Variants in HIVEP3 observed in about 807,000 individuals in gnomAD.
HIVEP3 encodes HIVEP zinc finger 3.
A neutral mutation model predicts 152.8 loss-of-function variants in HIVEP3; 49 were observed. The ratio of observed to expected loss-of-function variants is 0.32; its 90% confidence interval spans 0.26 to 0.41. HIVEP3 has a LOEUF of 0.41. Among genes scored for constraint, HIVEP3 ranks in the 10% least tolerant of loss-of-function variants. The pLI is 1.00. For synonymous variants in HIVEP3, 1,269 were observed against 1,289.0 expected (o/e 0.98, Z 0.33); for missense variants, 2,790 against 3,103.3 (o/e 0.90, Z 2.40).
chr1:41,679,535 T>A (rs1646007409), intron 2 of HIVEP3, among the ~76,000 whole-genome samples: 2 of 152,176 alleles, frequency 1.3e-5, no homozygotes, highest in Non-Finnish European at 2.9e-5. Context: ...TGCATGCATT[T>A]GGGGAGGGGA....
Position 41,524,873 on chromosome 1 carries a change from G to A in HIVEP3, c.5245C>T (p.Arg1749Cys), listed in dbSNP as rs776982758. ...TCACAAACATATTTCCCTCGGCCGC[G>A]GCCTCGCACATATACATACTCTTCG... ...SNEEYVYVRG[R>C]GRGKYVCEEC... The change falls in exon 6 of 9, where the codon CGC (arginine) becomes TGC (cysteine). Residue 1749 changes from arginine (R) to cysteine (C), a missense_variant. Arg to Cys is a radical substitution (Grantham distance 180). Around this residue, in one of 9 missense-constraint regions of HIVEP3, gnomAD observed 57 missense variants for 95.1 expected, o/e 0.60. Transcript: ENST00000372583. The A allele has an allele frequency of 3.7e-6, 6 of 1,614,114 alleles. No homozygotes were observed. Among genetic ancestry groups the A allele is most frequent in the East Asian group, 2.2e-5 (1 of 44,894 alleles).
chr1:41,549,926 GT>G (rs1172846655), intron 5 of HIVEP3, among the ~76,000 whole-genome samples: 1 of 152,138 alleles, frequency 6.6e-6, no homozygotes, highest in Admixed American at 6.5e-5. Context: ...TGCTTTTGGT[GT>G]TTTAGACATG....
At chr1:41,768,065 C>T (rs1465904567) in intron 1 of HIVEP3, among the ~76,000 whole-genome samples, 1 of 152,202 alleles carries the variant, frequency 6.6e-6, no homozygotes. Flanking sequence ...GCATTCCAGG[C>T]CTAGCTCTGT....
chr1:41,516,219 A>G (rs1044740053), intron 7 of HIVEP3, among the ~76,000 whole-genome samples: 2 of 21,400 alleles, frequency 9.3e-5, no homozygotes, highest in Non-Finnish European at 4.0e-4. Flanking sequence ...CCAACGCTCC[A>G]CAAATGAGAG....
At chr1:41,737,954 C>T (rs1432430341) in intron 1 of HIVEP3, among the ~76,000 whole-genome samples, 1 of 152,240 alleles carries the variant, frequency 6.6e-6, no homozygotes, top group Non-Finnish European at 1.5e-5. Context: ...TTTGCTGTAC[C>T]TGTTCTGTTC....
intron 3 of HIVEP3, among the ~76,000 whole-genome samples, chr1:41,588,417 C>G (rs1644537161): frequency 6.6e-6 from 1 of 152,118 alleles, no homozygotes; most frequent in African/African-American, 2.4e-5. Context: ...AGGCAGGACT[C>G]TACATTGCTT....
At chr1:41,956,325 G>C (rs1645140233) in intron 1 of HIVEP3, among the ~76,000 whole-genome samples, 1 of 152,196 alleles carries the variant, frequency 6.6e-6, no homozygotes, top group Non-Finnish European at 1.5e-5. Flanking sequence ...GCAAACTTGA[G>C]GCCCATTATC....
intron 1 of HIVEP3, among the ~76,000 whole-genome samples, chr1:41,732,809 ACT>A (rs946423925): frequency 6.6e-6 from 1 of 151,760 alleles, no homozygotes; most frequent in African/African-American, 2.4e-5. Flanking sequence ...GTCTCCAGAG[ACT>A]CTCTTCTCCA....
At chr1:41,705,828 TCTTA>T (rs1646425346) in intron 1 of HIVEP3, among the ~76,000 whole-genome samples, 1 of 152,248 alleles carries the variant, frequency 6.6e-6, no homozygotes, top group Admixed American at 6.5e-5. Flanking sequence ...TTCCATGCAG[TCTTA>T]CTTCTAATAC....
At chr1:41,591,681 C>A (rs1644590265) in intron 3 of HIVEP3, among the ~76,000 whole-genome samples, 1 of 151,920 alleles carries the variant, frequency 6.6e-6, no homozygotes, top group Non-Finnish European at 1.5e-5. Context: ...TTCTTGGTCA[C>A]TGGATTTTCA....
intron 3 of HIVEP3, among the ~76,000 whole-genome samples, chr1:41,611,664 T>C (rs1414249613): frequency 6.6e-6 from 1 of 152,218 alleles, no homozygotes; most frequent in South Asian, 2.1e-4. Flanking sequence ...CAGCCTTTAA[T>C]CAAGGAAGCA....
intron 1 of HIVEP3, among the ~76,000 whole-genome samples, chr1:42,027,206 C>T (rs1645586999): frequency 6.6e-6 from 1 of 152,200 alleles, no homozygotes; most frequent in African/African-American, 2.4e-5. Flanking sequence ...ACATAACCAA[C>T]ATCTAATACA....
intron 1 of HIVEP3, among the ~76,000 whole-genome samples, chr1:41,778,253 T>C (rs2124277765): frequency 6.6e-6 from 1 of 152,322 alleles, no homozygotes; most frequent in South Asian, 2.1e-4. Flanking sequence ...ACAAGGTACC[T>C]CCTGAGTGGC....
At chr1:41,958,294 C>A (rs543698952) in intron 1 of HIVEP3, among the ~76,000 whole-genome samples, 3 of 152,270 alleles carry the variant, frequency 2.0e-5, no homozygotes, top group South Asian at 4.1e-4. Flanking sequence ...GTAGTGCAGA[C>A]CCTGAGGGTT....
At chr1:41,635,259 G>C (rs563106951) in intron 2 of HIVEP3, among the ~76,000 whole-genome samples, 2 of 152,216 alleles carry the variant, frequency 1.3e-5, no homozygotes, top group South Asian at 2.1e-4. Context: ...ACAACATTGA[G>C]AACCCTACTT....
At chr1:41,875,620 G>C (rs778107349) in intron 1 of HIVEP3, among the ~76,000 whole-genome samples, 2 of 152,282 alleles carry the variant, frequency 1.3e-5, no homozygotes, top group Middle Eastern at 6.8e-3. Flanking sequence ...CTTGTGCCCC[G>C]AGCTTCAGGA....
At chr1:41,565,426 T>C (rs539422367) in intron 5 of HIVEP3, among the ~76,000 whole-genome samples, 78 of 152,078 alleles carry the variant, frequency 5.1e-4, no homozygotes, top group Non-Finnish European at 6.8e-4. Flanking sequence ...AGAGAAAATG[T>C]GGGGCAAAGA....
At chr1:42,019,889 C>G (rs1177511274) in intron 1 of HIVEP3, among the ~76,000 whole-genome samples, 2 of 152,010 alleles carry the variant, frequency 1.3e-5, no homozygotes, top group African/African-American at 4.8e-5. Flanking sequence ...ATTTCCTTTG[C>G]TTAGGCTTTT....
intron 1 of HIVEP3, among the ~76,000 whole-genome samples, chr1:41,851,757 A>G (rs1190792753): frequency 2.0e-5 from 3 of 152,220 alleles, no homozygotes; most frequent in African/African-American, 7.2e-5. Context: ...ATGACAGGAC[A>G]GAGAAGAGGA....
Sources: allele counts gnomAD v4.1 joint callset (sites outside exome capture counted in the v4.1 genomes callset), GRCh38; gene constraint gnomAD v4.1.1; regional missense constraint gnomAD v4.1.1; transcripts MANE v1.5; gene names NCBI Gene and HGNC (gene_info 2026-07-23, HGNC 2026-07-21).